Variants in ATP2A1 observed in about 807,000 individuals in gnomAD.
ATP2A1 encodes sarcoplasmic/endoplasmic reticulum calcium ATPase 1.
Under a neutral mutation model 109.5 loss-of-function variants are expected in ATP2A1, and 83 were observed. The ratio of observed to expected loss-of-function variants is 0.76; its 90% CI spans 0.63 to 0.91. ATP2A1 has a LOEUF of 0.91. Among genes scored for constraint, ATP2A1 ranks in the 40% least tolerant of loss-of-function variants. The probability of loss-of-function intolerance (pLI) is 0.00; values close to 1 mark genes in which losing one functional copy is unlikely to be tolerated. For missense variants in ATP2A1, 1,101 were observed against 1,341.0 expected (o/e 0.82, Z 2.80); for synonymous variants, 505 against 537.6 (o/e 0.94, Z 0.84).
At chr16:28,889,773 G>T (rs1180293283) in intron 9 of ATP2A1, among the ~76,000 whole-genome samples, 1 of 152,192 alleles carries the variant, frequency 6.6e-6, no homozygotes, top group Non-Finnish European at 1.5e-5. Context: ...CCTAAAGCAG[G>T]GCTCTTAATC....
At chr16:28,895,250 CTTCATCTGTTA>C (rs1963884993) in intron 12 of ATP2A1, among the ~76,000 whole-genome samples, 1 of 152,242 alleles carries the variant, frequency 6.6e-6, no homozygotes, top group African/African-American at 2.4e-5. Context: ...GCAGCCCCAA[CTTCATCTGTTA>C]TTCCTTTGTT....
At position 28,880,007 on chromosome 16, in the gene ATP2A1, C is replaced by A. The variant is rs1329135105; in HGVS notation, c.219+424C>A. ...CCCCTGCCCCGCCCTCCCCAGCCTC[C>A]TGACGCTGATTGGTCGAGGGGAGGA... On this transcript the variant is annotated intron_variant, in intron 3 of 22. Coordinates refer to ENST00000395503, the MANE Select transcript of ATP2A1 (RefSeq NM_004320.6). This position sits in a 1 kb window ranked among gnomAD's most constrained non-coding sequence, Gnocchi z 4.2. 2.9e-6 allele frequency: 3 copies of A among 1,019,020 alleles called. No homozygotes were observed. In the East Asian group the frequency reaches 3.3e-4, roughly 111 times the overall value. The allele number at this position is 1,019,020 out of a possible 1,614,324, so 63.1% of individuals were successfully genotyped here. A position where few individuals can be genotyped will look rare whatever the true frequency, so the allele number is the denominator to read the frequency against.
In ATP2A1 at chr16:28,888,898, T is replaced by C. The variant is rs1567483763; in HGVS notation, c.1040T>C (p.Val347Ala). 1.2e-6 allele frequency: 2 copies of C among 1,614,150 alleles called. No individual in the cohort carries two copies. Among genetic ancestry groups the C allele is most frequent in the East Asian group, 2.2e-5 (1 of 44,884 alleles). The change falls in exon 9 of 23, where the codon GTC (valine) becomes GCC (alanine). Residue 347 changes from valine to alanine, a missense_variant. Physicochemically the swap from Val to Ala is moderately conservative, Grantham distance 64 (BLOSUM62 0). Coordinates refer to ENST00000395503, the MANE Select transcript of ATP2A1 (RefSeq NM_004320.6). ...GTAGAGACCCTGGGCTGCACCTCTG[T>C]CATCTGTTCCGACAAGACAGGCACC... Reference protein sequence around the residue: ...PSVETLGCTSVICSDKTGTLT... With the variant: ...PSVETLGCTSAICSDKTGTLT...
rs776076140 is a variant in ATP2A1 at position 28,902,436 on chromosome 16, C to G, written c.2524+50C>G. On this transcript the variant is annotated intron_variant, in intron 17 of 22. Transcript: ENST00000395503. This position sits in a 1 kb window ranked among gnomAD's most constrained non-coding sequence, Gnocchi z 4.8. ...CTCCCCACCCCTTGGGACTAACCCCCTCTCTGGGACACCAGCTCCCCCATG... is the reference window on the plus strand; with the variant it reads ...CTCCCCACCCCTTGGGACTAACCCCGTCTCTGGGACACCAGCTCCCCCATG... 1 of 1,598,628 alleles carries G rather than the reference C, an allele frequency of 6.3e-7. No homozygotes were observed. Among genetic ancestry groups the G allele is most frequent in the Admixed American group, 1.7e-5 (1 of 59,498 alleles).
chr16:28,895,377 G>A (rs916588872), intron 12 of ATP2A1, among the ~76,000 whole-genome samples: 9 of 152,118 alleles, frequency 5.9e-5, no homozygotes, highest in African/African-American at 1.4e-4. Flanking sequence ...AGATGAACCC[G>A]GCCACTTCTA....
intron 2 of ATP2A1, 177 bp from the exon 3 acceptor site, chr16:28,879,322 CCA>C: frequency 1.2e-6 from 1 of 838,884 alleles, no homozygotes; most frequent in Non-Finnish European, 2.0e-6. Flanking sequence ...GAACTGCCCC[CCA>C]CTTTGCCGAG....
rs2152211775 is a variant in ATP2A1 at position 28,898,346 on chromosome 16, C to T, written c.1659C>T (p.Gly553=). Residue 553 remains glycine (G), a synonymous_variant, in exon 14 of 23, where the codon GGC becomes GGT. Coordinates refer to ENST00000395503, the MANE Select transcript of ATP2A1 (RefSeq NM_004320.6). The surrounding 1 kb of genome is among the most constrained non-coding windows in gnomAD (Gnocchi z 4.0). ...TCATGGCGGTGATCAAGGAGTGGGG[C>T]ACTGGCCGGGACACCCTGCGCTGCT... ...EKIMAVIKEW[G]TGRDTLRCLA... is the part of the protein sequence containing the mutation. The T allele has an allele frequency of 6.2e-7, 1 of 1,614,222 alleles. No homozygotes were observed. The highest frequency in any genetic ancestry group is 8.5e-7 in the Non-Finnish European group (1 of 1,180,036).
In ATP2A1 at chr16:28,894,956, G is replaced by A. The variant is rs1963878257; in HGVS notation, c.1419+3G>A. ...AGAGAGCCAACGCCTGCAACTCGGT[G>A]AGCCTGCGGAGCCCCTGCCACAGGG... On this transcript the variant is annotated splice_donor_region_variant and intron_variant, in intron 12 of 22. Transcript: ENST00000395503. The A allele has an allele frequency of 6.2e-7, 1 of 1,610,576 alleles. No homozygotes were observed. The highest frequency in any genetic ancestry group is 2.2e-5 in the East Asian group (1 of 44,878).
rs1216275348 is a variant in ATP2A1, at chr16:28,904,199, G to A, written c.*57G>A. On this transcript the variant is annotated 3_prime_UTR_variant, in exon 23 of 23. Coordinates refer to ENST00000395503, the MANE Select transcript of ATP2A1 (RefSeq NM_004320.6). Reference sequence around the variant, plus strand: ...TTCCAGATCCAGAAGATGAAAGAAGGAAGTGAGCATCCTTTTGCTCTGTCC... The same window carrying A: ...TTCCAGATCCAGAAGATGAAAGAAGAAAGTGAGCATCCTTTTGCTCTGTCC... 1.2e-6 allele frequency: 2 copies of A among 1,613,216 alleles called. No individual in the cohort carries two copies. The highest frequency in any genetic ancestry group is 2.2e-5 in the East Asian group (1 of 44,872).
At position 28,898,460 on chromosome 16, in the gene ATP2A1, C is replaced by T; in HGVS notation, c.1764+9C>T. 6.2e-7 allele frequency: 1 copy of T among 1,611,566 alleles called. No homozygotes were observed. Among genetic ancestry groups the T allele is most frequent in the East Asian group, 2.2e-5 (1 of 44,752 alleles). Reference sequence around the variant, plus strand: ...GGTTCCTGGAGTATGAGGTAAGCAGCTGGGAGCCTCCCACTGTCGTGGAGC... The same window carrying T: ...GGTTCCTGGAGTATGAGGTAAGCAGTTGGGAGCCTCCCACTGTCGTGGAGC... On this transcript the variant is annotated intron_variant, in intron 14 of 22. Transcript: ENST00000395503. The surrounding 1 kb of genome is among the most constrained non-coding windows in gnomAD (Gnocchi z 4.0).
chr16:28,879,760 AC>A, intron 3 of ATP2A1, 177 bp downstream of exon 3: 1 of 775,166 alleles, frequency 1.3e-6, no homozygotes, highest in Non-Finnish European at 2.1e-6. Context: ...CCTCCCCTGC[AC>A]CCCAGAGGCA....
At chr16:28,891,373 T>C (rs141263792) in intron 9 of ATP2A1, among the ~76,000 whole-genome samples, 1 of 151,566 alleles carries the variant, frequency 6.6e-6, no homozygotes, top group Admixed American at 6.6e-5. Flanking sequence ...GGTGAGCAGA[T>C]CACCTGAGGT....
At chr16:28,896,015 C>T (rs1188723504) in intron 12 of ATP2A1, among the ~76,000 whole-genome samples, 1 of 151,856 alleles carries the variant, frequency 6.6e-6, no homozygotes, top group Non-Finnish European at 1.5e-5. Flanking sequence ...AATGGCTATT[C>T]ATAGGTGTGA....
chr16:28,897,999 G>A lies in ATP2A1; in HGVS notation c.1420-1G>A. ...GTCTCCCCTCCCTGTCTCCTCTCCA[G>A]GTGATCCGCCAGCTAATGAAGAAGG... On this transcript the variant is annotated splice_acceptor_variant, in intron 12 of 22. Coordinates refer to ENST00000395503, the MANE Select transcript of ATP2A1 (RefSeq NM_004320.6). LOFTEE classifies it high-confidence loss of function. The A allele has an allele frequency of 1.2e-6, 2 of 1,614,104 alleles. No individual in the cohort carries two copies. Among genetic ancestry groups the A allele is most frequent in the Non-Finnish European group, 1.7e-6 (2 of 1,180,016 alleles).
intron 3 of ATP2A1, chr16:28,879,919 C>G (rs985380089): frequency 2.3e-5 from 20 of 853,082 alleles, no homozygotes; most frequent in Non-Finnish European, 2.9e-5. Flanking sequence ...CGCGGGGGGC[C>G]ACTGCCACTC....
At position 28,898,752 on chromosome 16, in the gene ATP2A1, A is replaced by ATT. The variant is rs34704577; in HGVS notation, c.1764+307_1764+308dup. Among the ~76,000 whole-genome samples the ATT allele has an allele frequency of 1.3e-5, 2 of 151,382 alleles. No homozygotes were observed. The highest frequency in any genetic ancestry group is 2.9e-5 in the Non-Finnish European group (2 of 67,864). ...GAACCCCATCTCTATTAAAAAAAAA[A>ATT]TTTTTTTAATTACCTGGTTAAATTC... On this transcript the variant is annotated intron_variant, in intron 14 of 22. Coordinates refer to ENST00000395503, the MANE Select transcript of ATP2A1 (RefSeq NM_004320.6). The surrounding 1 kb of genome is among the most constrained non-coding windows in gnomAD (Gnocchi z 4.0).
At chr16:28,879,714 C>T (rs575679420) in intron 3 of ATP2A1, 131 bp downstream of exon 3, 12 of 1,094,242 alleles carry the variant, frequency 1.1e-5, no homozygotes, top group Non-Finnish European at 1.6e-5. Context: ...GGCGGGCTGG[C>T]GCGCAGCAGC....
chr16:28,884,412 C>T (rs1489224309), intron 5 of ATP2A1, among the ~76,000 whole-genome samples, 163 bp from the exon 6 acceptor site: 2 of 152,142 alleles, frequency 1.3e-5, no homozygotes, highest in Non-Finnish European at 2.9e-5. Flanking sequence ...GAGGGGTTGC[C>T]AGCTTCAGGA....
At chr16:28,881,179 G>C (rs772541176) in intron 4 of ATP2A1, among the ~76,000 whole-genome samples, 160 bp downstream of exon 4, 29 of 152,150 alleles carry the variant, frequency 1.9e-4, no homozygotes, top group Non-Finnish European at 3.4e-4. Flanking sequence ...GAAGAGGTGG[G>C]AGACTGTGAC....
Sources: gnomAD v4.1 joint callset for allele counts (sites outside exome capture counted in the v4.1 genomes callset) on GRCh38, gnomAD v4.1.1 for gene constraint, Gnocchi (gnomAD v3.1) non-coding constraint, MANE v1.5 for transcripts, NCBI Gene and HGNC (gene_info 2026-07-23, HGNC 2026-07-21) for gene names.